Variants in CAPN15 observed in about 807,000 individuals in gnomAD.
CAPN15 encodes calpain 15, also known as calpain-15.
A neutral mutation model predicts 97.9 loss-of-function variants in CAPN15; 53 were observed. The ratio of observed to expected loss-of-function variants is 0.54; its 90% confidence interval spans 0.43 to 0.68. The LOEUF is 0.68. Among genes scored for constraint, CAPN15 ranks in the 30% least tolerant of loss-of-function variants. The pLI is 0.00. For missense variants in CAPN15, 1,592 were observed against 1,589.8 expected, an observed-to-expected ratio of 1.00 and a Z score of -0.02; for synonymous variants, 922 against 722.5, an observed-to-expected ratio of 1.28 and a Z score of -4.43.
At chr16:550,930 T>TGG (rs2034991071) in intron 7 of CAPN15, among the ~76,000 whole-genome samples, 2 of 58,182 alleles carry the variant, frequency 3.4e-5, no homozygotes, top group Admixed American at 2.1e-4. Context: ...AGGGTCCCCT[T>TGG]TCGGTGAGGG....
Position 547,928 on chromosome 16 carries a change from G to A in CAPN15, c.1090G>A (p.Gly364Ser), listed in dbSNP as rs1304213547. Residue 364 changes from glycine (G) to serine (S), a missense_variant, in exon 4 of 14, where the codon GGC (glycine) becomes AGC (serine). By Grantham distance (56) the Gly-to-Ser change is moderately conservative. Around this residue, in one of 3 missense-constraint regions of CAPN15, gnomAD observed 883 missense variants for 776.6 expected, o/e 1.14. Transcript: ENST00000219611. ...PTVAPRCSAC[G>S]CSKLHGFQEH... ...AGTGGCCCCCAGGTGCTCGGCCTGC[G>A]GCTGCTCCAAACTGCACGGCTTCCA... 3.7e-6 allele frequency: 6 copies of A among 1,604,902 alleles called. No homozygotes were observed. The highest frequency in any genetic ancestry group is 5.1e-6 in the Non-Finnish European group (6 of 1,176,498).
rs770905655 is a variant in CAPN15, at chr16:549,034, C to T, written c.1491C>T (p.Pro497=). The change falls in exon 5 of 14, where the codon CCC becomes CCT. Residue 497 remains proline (P), a synonymous_variant. Coordinates refer to ENST00000219611, the MANE Select transcript of CAPN15 (RefSeq NM_005632.3). ...TGGATGACAGCTTCCCTCCCGGGCC[C>T]GAGTCTGTCGGCTTCCCCGCGGGTG... ...SFVDDSFPPG[P]ESVGFPAGDS... is the part of the protein sequence containing the mutation. 7.0e-5 allele frequency: 113 copies of T among 1,612,666 alleles called. 1 individual carries two copies. In the South Asian group the frequency reaches 9.2e-4, roughly 13 times the overall value.
intron 2 of CAPN15, among the ~76,000 whole-genome samples, 168 bp downstream of exon 2, chr16:534,166 C>G (rs2033480295): frequency 6.8e-6 from 1 of 146,416 alleles, no homozygotes. Context: ...GAGCCTCGTT[C>G]TCCCAGCCGT....
rs976279162 is a variant in CAPN15, at chr16:552,754, C to T, written c.2887C>T (p.Arg963Cys). 36 of 1,537,894 alleles carry T rather than the reference C, an allele frequency of 2.3e-5. No individual in the cohort carries two copies. Among genetic ancestry groups the T allele is most frequent in the South Asian group, 8.4e-5 (7 of 83,092 alleles). The change falls in exon 12 of 14, where the codon CGC (arginine) becomes TGC (cysteine). Residue 963 changes from arginine (R) to cysteine (C), a missense_variant. Arg to Cys is a radical substitution (Grantham distance 180). Around this residue, in one of 3 missense-constraint regions of CAPN15, gnomAD observed 644 missense variants for 699.6 expected, o/e 0.92. Coordinates refer to ENST00000219611, the MANE Select transcript of CAPN15 (RefSeq NM_005632.3). This position sits in a 1 kb window ranked among gnomAD's most constrained non-coding sequence, Gnocchi z 6.4. ...CGCCATCATCCTGCTCACCGAGAGC[C>T]GCGGAGAGCGGCACGAGGTGGGTGG... The part of the protein sequence containing the change: ...ADAIILLTES[R>C]GERHEGREGM...
At chr16:545,867 G>A (rs767230552) in intron 3 of CAPN15, among the ~76,000 whole-genome samples, 2 of 152,236 alleles carry the variant, frequency 1.3e-5, no homozygotes, top group African/African-American at 4.8e-5. Context: ...GGGCTGTGCC[G>A]CCTCGGCAGC....
At chr16:543,775 G>A (rs961742866) in intron 3 of CAPN15, among the ~76,000 whole-genome samples, 10 of 152,208 alleles carry the variant, frequency 6.6e-5, no homozygotes, top group Admixed American at 1.3e-4. Flanking sequence ...GTGCTCCGAC[G>A]GAGGGCGCCG....
rs1261410183 is a variant in CAPN15, at chr16:549,309, GCTGGCGGAGCGGCCGGAC to G, written c.1685_1702del (p.Ala562_Leu567del). ...GCAGGTTCCTGAGCGCCCTGGCGGT[GCTGGCGGAGCGGCCGGAC>G]CTGGTGGAGCGGGTGATGGTCACGC... is the stretch of plus-strand genomic sequence containing the variant. On this transcript the variant is annotated inframe_deletion, in exon 6 of 14. Coordinates refer to ENST00000219611, the MANE Select transcript of CAPN15 (RefSeq NM_005632.3). The G allele has an allele frequency of 6.3e-7, 1 of 1,591,906 alleles. No individual in the cohort carries two copies. The highest frequency in any genetic ancestry group is 8.5e-7 in the Non-Finnish European group (1 of 1,176,068).
chr16:529,637 C>G (rs559622643), intron 1 of CAPN15, among the ~76,000 whole-genome samples: 1 of 152,084 alleles, frequency 6.6e-6, no homozygotes, highest in Admixed American at 6.5e-5. Context: ...CGTTGGTGGC[C>G]GAGTTGCCCC....
rs1291875102 is a variant in CAPN15, at chr16:553,542, G to A, written c.*26G>A. ...CCACCATGCCTGGGGCAGGGGCTGT[G>A]CACAGACGGACCCCCCACCCCCACA... On this transcript the variant is annotated 3_prime_UTR_variant, in exon 14 of 14. Coordinates refer to ENST00000219611, the MANE Select transcript of CAPN15 (RefSeq NM_005632.3). 2 of 1,533,676 alleles carry A rather than the reference G, an allele frequency of 1.3e-6. No individual in the cohort carries two copies. Among genetic ancestry groups the A allele is most frequent in the Non-Finnish European group, 1.8e-6 (2 of 1,122,908 alleles).
In CAPN15 at chr16:552,795, G is replaced by A. The variant is rs765601703; in HGVS notation, c.2904+24G>A. 5 of 1,522,064 alleles carry A rather than the reference G, an allele frequency of 3.3e-6. No individual in the cohort carries two copies. Among genetic ancestry groups the A allele is most frequent in the Non-Finnish European group, 3.5e-6 (4 of 1,132,896 alleles). The allele number at this position is 1,522,064 out of a possible 1,614,324, so 94.3% of individuals were successfully genotyped here. On this transcript the variant is annotated intron_variant, in intron 12 of 13. Coordinates refer to ENST00000219611, the MANE Select transcript of CAPN15 (RefSeq NM_005632.3). The surrounding 1 kb of genome is among the most constrained non-coding windows in gnomAD (Gnocchi z 6.4). ...AGGTGGGTGGGGGTCCCGGGGGAGG[G>A]TGGCGTGGGGCAGGGGGAGTATGCC... is the stretch of plus-strand genomic sequence containing the variant.
intron 9 of CAPN15, 61 bp downstream of exon 9, chr16:551,725 C>G: frequency 1.3e-6 from 2 of 1,570,034 alleles, no homozygotes; most frequent in Non-Finnish European, 1.7e-6. Flanking sequence ...GAGTCCTTCT[C>G]TGGAGAACAA....
rs751085502 is a variant in CAPN15, at chr16:547,430, G to GCCGCGCCTC, written c.594_602dup (p.Ala199_Pro201dup). The GCCGCGCCTC allele has an allele frequency of 6.3e-7, 1 of 1,580,304 alleles. No individual in the cohort carries two copies. Among genetic ancestry groups the GCCGCGCCTC allele is most frequent in the Admixed American group, 1.7e-5 (1 of 57,906 alleles). ...CCCGGCCGGCTTCCACGTCGTGCCT[G>GCCGCGCCTC]CCGCGCCTCCACCTGGCCTCCCCGG... On this transcript the variant is annotated inframe_insertion, in exon 4 of 14. Transcript: ENST00000219611.
intron 3 of CAPN15, among the ~76,000 whole-genome samples, chr16:542,774 C>T (rs1371735572): frequency 6.6e-6 from 1 of 151,898 alleles, no homozygotes; most frequent in Non-Finnish European, 1.5e-5. Flanking sequence ...AAAAATTTGG[C>T]CAGGCGCAGT....
At position 552,591 on chromosome 16, in the gene CAPN15, G is replaced by GT. The variant is rs2035173697; in HGVS notation, c.2738-14_2738-13insT. 2 of 1,547,096 alleles carry GT rather than the reference G, an allele frequency of 1.3e-6. No homozygotes were observed. The highest frequency in any genetic ancestry group is 1.7e-6 in the Non-Finnish European group (2 of 1,149,534). ...CCACGGGGAGGGCTGCGGTTCACAC[G>GT]CCCGTCCTTGTAGCCTCCAGCCCCT... On this transcript the variant is annotated splice_polypyrimidine_tract_variant and intron_variant, in intron 11 of 13. Coordinates refer to ENST00000219611, the MANE Select transcript of CAPN15 (RefSeq NM_005632.3). The surrounding 1 kb of genome is among the most constrained non-coding windows in gnomAD (Gnocchi z 6.4).
chr16:544,944 G>C (rs2034485478), intron 3 of CAPN15, among the ~76,000 whole-genome samples: 1 of 134,092 alleles, frequency 7.5e-6, no homozygotes, highest in Non-Finnish European at 1.5e-5. Flanking sequence ...TCCCTTCGAA[G>C]GTAACCATCC....
intron 6 of CAPN15, 32 bp downstream of exon 6, chr16:549,503 C>T (rs946808139): frequency 6.5e-7 from 1 of 1,531,844 alleles, no homozygotes. Context: ...GCACGGGCGG[C>T]AGGGGCAGCC....
intron 2 of CAPN15, among the ~76,000 whole-genome samples, chr16:534,227 C>CTGACGGGGCCGTGGTCCTGTCGTGGGAGG (rs2033513617): frequency 6.6e-6 from 1 of 152,226 alleles, no homozygotes; most frequent in African/African-American, 2.4e-5. Context: ...GCCCGGGGTC[C>CTGACGGGGCCGTGGTCCTGTCGTGGGAGG]CGACAGGGGT....
At chr16:530,930 G>A (rs2033204734) in intron 1 of CAPN15, among the ~76,000 whole-genome samples, 1 of 152,260 alleles carries the variant, frequency 6.6e-6, no homozygotes, top group Non-Finnish European at 1.5e-5. Flanking sequence ...GTCGGGTCAT[G>A]GGCATCAGCC....
intron 3 of CAPN15, among the ~76,000 whole-genome samples, chr16:542,540 CCT>C (rs1231333938): frequency 1.3e-5 from 2 of 152,132 alleles, no homozygotes; most frequent in Non-Finnish European, 2.9e-5. Flanking sequence ...CCATGTGGGG[CCT>C]CTCTCCCTGT....
Sources: allele counts gnomAD v4.1 joint callset (sites outside exome capture counted in the v4.1 genomes callset), GRCh38; gene constraint gnomAD v4.1.1; regional missense constraint gnomAD v4.1.1; non-coding constraint Gnocchi (gnomAD v3.1); transcripts MANE v1.5; gene names NCBI Gene and HGNC (gene_info 2026-07-23, HGNC 2026-07-21).